Variants in ETFA observed in about 807,000 individuals in gnomAD.
ETFA encodes electron transfer flavoprotein subunit alpha, mitochondrial.
ETFA carries 22 observed loss-of-function variants against 46.2 expected under a neutral mutation model. The ratio of observed to expected loss-of-function variants is 0.48; its 90% CI spans 0.34 to 0.68. The LOEUF is 0.68. ETFA is among the 30% of genes least tolerant of loss of function. The pLI, the probability that ETFA is intolerant of heterozygous loss-of-function variation, is 0.01. For missense variants in ETFA, 345 were observed against 401.1 expected, an observed-to-expected ratio of 0.86 and a Z score of 1.19; for synonymous variants, 131 against 139.9, an observed-to-expected ratio of 0.94 and a Z score of 0.45.
At chr15:76,241,543 G>A (rs2039188610) in intron 9 of ETFA, among the ~76,000 whole-genome samples, 1 of 152,016 alleles carries the variant, frequency 6.6e-6, no homozygotes, top group African/African-American at 2.4e-5. Flanking sequence ...GCTCACACTT[G>A]TAATCCAAGC....
At chr15:76,299,175 T>C (rs1193100364) in intron 1 of ETFA, among the ~76,000 whole-genome samples, 1 of 152,244 alleles carries the variant, frequency 6.6e-6, no homozygotes, top group African/African-American at 2.4e-5. Flanking sequence ...AAATTCTTAG[T>C]CATCAGCCTT....
At chr15:76,266,529 T>C (rs2456078) in intron 9 of ETFA, among the ~76,000 whole-genome samples, 31,582 of 152,118 alleles carry the variant, frequency 0.21, 3,617 homozygotes, top group African/African-American at 0.3. Flanking sequence ...GGGTTAATTA[T>C]AGCCCCCGAT....
intron 9 of ETFA, chr15:76,245,328 C>T (rs2039233774): frequency 6.6e-6 from 1 of 152,132 alleles, no homozygotes; most frequent in South Asian, 2.1e-4. Flanking sequence ...GCTTCTATAC[C>T]AACCCCAAAG....
chr15:76,248,108 A>C (rs2039260733), intron 9 of ETFA, among the ~76,000 whole-genome samples: 1 of 152,330 alleles, frequency 6.6e-6, no homozygotes, highest in Middle Eastern at 3.4e-3. Flanking sequence ...AGCTAAAAAC[A>C]TTTTGGAGAA....
intron 4 of ETFA, among the ~76,000 whole-genome samples, chr15:76,288,649 T>C (rs1290122402): frequency 1.3e-5 from 2 of 150,750 alleles, no homozygotes; most frequent in Non-Finnish European, 3.0e-5. Context: ...GAGGCGGAGG[T>C]TGCAGTGAGC....
At chr15:76,310,725 A>G (rs577296159) in intron 1 of ETFA, among the ~76,000 whole-genome samples, 2 of 152,362 alleles carry the variant, frequency 1.3e-5, no homozygotes, top group South Asian at 2.1e-4. Flanking sequence ...TCTGCCTTTC[A>G]AAACTGGCTA....
At chr15:76,220,060 G>C (rs1033696612) in intron 11 of ETFA, among the ~76,000 whole-genome samples, 1 of 152,152 alleles carries the variant, frequency 6.6e-6, no homozygotes, top group Admixed American at 6.5e-5. Context: ...ATTAGGCAAT[G>C]GGTTTCTGTT....
At chr15:76,239,108 A>G (rs2039157280) in intron 9 of ETFA, among the ~76,000 whole-genome samples, 1 of 152,166 alleles carries the variant, frequency 6.6e-6, no homozygotes, top group Non-Finnish European at 1.5e-5. Context: ...CTTTATACAC[A>G]CGACCTCATT....
intron 5 of ETFA, 31 bp from the exon 6 acceptor site, chr15:76,286,512 A>G (rs762489686): frequency 1.4e-6 from 2 of 1,453,748 alleles, no homozygotes; most frequent in South Asian, 1.2e-5. Flanking sequence ...CTTAAAAGCA[A>G]CAGCAAAAGG....
intron 1 of ETFA, among the ~76,000 whole-genome samples, 199 bp from the exon 2 acceptor site, chr15:76,295,936 C>CCTTTTTTTTTTTTTTTTTTTTTTTTTTT (rs2039816100): frequency 8.6e-5 from 4 of 46,602 alleles, no homozygotes; most frequent in African/African-American, 2.0e-4. Flanking sequence ...CACTAATATT[C>CCTTTTTTTTTTTTTTTTTTTTTTTTTTT]TTTTTTTTTT....
chr15:76,283,754 T>C lies in ETFA; in HGVS notation c.733+3A>G. On this transcript the variant is annotated splice_donor_region_variant and intron_variant, in intron 8 of 11. Transcript: ENST00000557943. ...ATCTTTCTACTAAGGAAAATAACTT[T>C]ACCTGCAGCATGTAGTTGATCTGCC... The C allele has an allele frequency of 6.3e-7, 1 of 1,577,824 alleles. No individual in the cohort carries two copies. The highest frequency in any genetic ancestry group is 1.3e-5 in the African/African-American group (1 of 74,346).
chr15:76,271,031 G>A lies in ETFA; in HGVS notation c.816+3381C>T, dbSNP rs569718266. On this transcript the variant is annotated intron_variant, in intron 9 of 11. Coordinates refer to ENST00000557943, the MANE Select transcript of ETFA (RefSeq NM_000126.4). The stretch of plus-strand genomic sequence containing the variant: ...CTAAAAATACAAAAATTAGTTGGGC[G>A]GGTTGGTGCATGCCTGTAATCCAAG... Among the ~76,000 whole-genome samples, 10 of 152,056 alleles carry A rather than the reference G, an allele frequency of 6.6e-5. No individual in the cohort carries two copies. The East Asian group carries it at 9.7e-4, about 15-fold the overall frequency.
At chr15:76,280,882 G>A (rs888688665) in intron 8 of ETFA, among the ~76,000 whole-genome samples, 32 of 147,494 alleles carry the variant, frequency 2.2e-4, no homozygotes, top group Admixed American at 1.9e-3. Context: ...CTCATGGGTC[G>A]CTTCCTCACC....
At chr15:76,219,777 G>A (rs1263453788) in intron 11 of ETFA, among the ~76,000 whole-genome samples, 1 of 152,112 alleles carries the variant, frequency 6.6e-6, no homozygotes, top group Non-Finnish European at 1.5e-5. Context: ...AAGTCACAAT[G>A]AGACACCACT....
chr15:76,277,581 C>A (rs781388971), intron 8 of ETFA, among the ~76,000 whole-genome samples: 1 of 152,170 alleles, frequency 6.6e-6, no homozygotes, highest in Non-Finnish European at 1.5e-5. Context: ...TGGCTCACTG[C>A]AACCTCCATC....
intron 9 of ETFA, among the ~76,000 whole-genome samples, chr15:76,240,594 T>G (rs969669135): frequency 6.6e-6 from 1 of 152,188 alleles, no homozygotes; most frequent in African/African-American, 2.4e-5. Context: ...ACATTAACTA[T>G]ATTGTGAAAC....
intron 4 of ETFA, among the ~76,000 whole-genome samples, chr15:76,288,891 A>AGTCTCAGTTAAT: frequency 1.3e-5 from 2 of 148,264 alleles, no homozygotes; most frequent in African/African-American, 4.9e-5. Context: ...CAGTTCCCCA[A>AGTCTCAGTTAAT]GTCTCAGTTA....
At chr15:76,290,864 C>T (rs2039754044) in intron 4 of ETFA, among the ~76,000 whole-genome samples, 1 of 152,166 alleles carries the variant, frequency 6.6e-6, no homozygotes. Context: ...CACTGCTGTA[C>T]TACACGCAGT....
rs2038891240 is a variant in ETFA, at chr15:76,215,791, CT to C, written c.*767del. ...AAGGCAAAAGAAAGGCTAGAGCATT[CT>C]CTGCACAGGATTTTGAATGTTTATA... On this transcript the variant is annotated 3_prime_UTR_variant, in exon 12 of 12. Coordinates refer to ENST00000557943, the MANE Select transcript of ETFA (RefSeq NM_000126.4). 6.6e-6 allele frequency: 1 copy of C among 152,288 alleles called. No individual in the cohort carries two copies. Among genetic ancestry groups the C allele is most frequent in the African/African-American group, 2.4e-5 (1 of 41,434 alleles). The allele number at this position is 152,288 out of a possible 1,614,324, so 9.4% of individuals were successfully genotyped here. A position where few individuals can be genotyped will look rare whatever the true frequency, so the allele number is the denominator to read the frequency against.
Sources: gnomAD v4.1 joint callset for allele counts (sites outside exome capture counted in the v4.1 genomes callset) on GRCh38, gnomAD v4.1.1 for gene constraint, MANE v1.5 for transcripts, NCBI Gene and HGNC (gene_info 2026-07-23, HGNC 2026-07-21) for gene names.